The following GNAQ variants were observed in gnomAD, a reference collection of about 807,000 sequenced individuals.
GNAQ encodes G protein subunit alpha q.
GNAQ carries 8 observed loss-of-function variants against 43.9 expected under a neutral mutation model. The ratio of observed to expected loss-of-function variants is 0.18; its 90% CI spans 0.11 to 0.33. The LOEUF (loss-of-function observed/expected upper bound fraction) is 0.33. Ranked by LOEUF, GNAQ falls within the 10% of genes least tolerant of loss-of-function variation. The pLI is 1.00. For synonymous variants in GNAQ, 155 were observed against 170.7 expected, an observed-to-expected ratio of 0.91 and a Z score of 0.71; for missense variants, 158 against 450.8, an observed-to-expected ratio of 0.35 and a Z score of 5.88.
In GNAQ at chr9:77,798,265, CT is replaced by C. The variant is rs530551691; in HGVS notation, c.477-618del. ...AATGTTTGGAGTCACCACACCTTAA[CT>C]TTATATTTATCTAGTTATATGATAC... On this transcript the variant is annotated intron_variant, in intron 3 of 6. Transcript: ENST00000286548. 1.1e-3 allele frequency among the ~76,000 whole-genome samples: 172 copies of C among 152,222 alleles called. 1 individual carries two copies. The highest frequency in any genetic ancestry group is 1.4e-3 in the Non-Finnish European group (97 of 68,018).
intron 5 of GNAQ, among the ~76,000 whole-genome samples, chr9:77,749,328 C>T (rs1021579581): frequency 1.3e-5 from 2 of 152,138 alleles, no homozygotes; most frequent in East Asian, 1.9e-4. Flanking sequence ...GGGTCTTGGG[C>T]ATTTCACCCC....
At chr9:78,006,108 T>C (rs1208106516) in intron 1 of GNAQ, among the ~76,000 whole-genome samples, 1 of 152,178 alleles carries the variant, frequency 6.6e-6, no homozygotes, top group Non-Finnish European at 1.5e-5. Context: ...ATGCTATTGA[T>C]TTAAATGCCC....
At chr9:77,840,163 G>C (rs555392728) in intron 2 of GNAQ, among the ~76,000 whole-genome samples, 10 of 152,240 alleles carry the variant, frequency 6.6e-5, no homozygotes, top group Non-Finnish European at 1.5e-4. Flanking sequence ...TCAGTAAATG[G>C]TTGGTTGAAT....
chr9:77,727,568 A>G lies in GNAQ; in HGVS notation c.889+946T>C, dbSNP rs369932401. On this transcript the variant is annotated intron_variant, in intron 6 of 6. Coordinates refer to ENST00000286548, the MANE Select transcript of GNAQ (RefSeq NM_002072.5). ...TTCTAAGTGCTGCACAAAGAGCTTA[A>G]CACTGGGTTACTATTAGTAATGGTG... Among the ~76,000 whole-genome samples, 41 of 152,302 alleles carry G rather than the reference A, an allele frequency of 2.7e-4. 1 individual carries two copies. The South Asian group carries it at 7.7e-3, about 29-fold the overall frequency.
At chr9:77,823,402 G>C (rs1827145644) in intron 2 of GNAQ, among the ~76,000 whole-genome samples, 1 of 152,126 alleles carries the variant, frequency 6.6e-6, no homozygotes, top group Admixed American at 6.6e-5. Flanking sequence ...CTGAGAAACT[G>C]TTAACTTTCC....
chr9:77,733,477 C>G (rs971245252), intron 5 of GNAQ, among the ~76,000 whole-genome samples: 10 of 152,148 alleles, frequency 6.6e-5, no homozygotes, highest in Admixed American at 4.6e-4. Flanking sequence ...TCCATGTCAC[C>G]ACTGCCACAT....
Position 77,719,043 on chromosome 9 carries a change from G to T in GNAQ, c.*2280C>A. The T allele has an allele frequency of 4.3e-6, 1 of 230,840 alleles. No homozygotes were observed. The highest frequency in any genetic ancestry group is 6.1e-5 in the East Asian group (1 of 16,366). 14.3% of individuals were successfully genotyped at this position (230,840 alleles called of 1,614,324 possible). A position where few individuals can be genotyped will look rare whatever the true frequency, so the allele number is the denominator to read the frequency against. ...AAATTACCTTTGGGTCTTATAATCAGTATACCTCTACTCAGGAATGTGCAA... is the reference window on the plus strand; with the variant it reads ...AAATTACCTTTGGGTCTTATAATCATTATACCTCTACTCAGGAATGTGCAA... On this transcript the variant is annotated 3_prime_UTR_variant, in exon 7 of 7. Coordinates refer to ENST00000286548, the MANE Select transcript of GNAQ (RefSeq NM_002072.5).
intron 1 of GNAQ, among the ~76,000 whole-genome samples, chr9:78,016,947 TGTTAC>T (rs1587462918): frequency 6.6e-6 from 1 of 152,028 alleles, no homozygotes; most frequent in African/African-American, 2.4e-5. Flanking sequence ...TTATGTGTTG[TGTTAC>T]GTTACGTTAT....
chr9:77,750,155 A>G (rs1825791202), intron 5 of GNAQ, among the ~76,000 whole-genome samples: 2 of 144,384 alleles, frequency 1.4e-5, no homozygotes, highest in African/African-American at 2.9e-5. Context: ...AGCTATAAAC[A>G]TATTTTCTTT....
intron 2 of GNAQ, among the ~76,000 whole-genome samples, chr9:77,904,575 G>T (rs1486182677): frequency 6.6e-6 from 1 of 151,842 alleles, no homozygotes; most frequent in Non-Finnish European, 1.5e-5. Context: ...CTCATGATCT[G>T]CCCGCCTCGG....
intron 2 of GNAQ, among the ~76,000 whole-genome samples, chr9:77,907,493 G>A (rs888077516): frequency 2.6e-5 from 4 of 152,186 alleles, no homozygotes; most frequent in Non-Finnish European, 5.9e-5. Flanking sequence ...CCTCTCCAAT[G>A]AGACTGCAAG....
chr9:77,747,031 G>A (rs1825741276), intron 5 of GNAQ, among the ~76,000 whole-genome samples: 1 of 152,034 alleles, frequency 6.6e-6, no homozygotes, highest in South Asian at 2.1e-4. Flanking sequence ...TACTGGTTCA[G>A]GTGTAAAATA....
chr9:78,019,639 T>C (rs1823881065), intron 1 of GNAQ, among the ~76,000 whole-genome samples: 1 of 152,180 alleles, frequency 6.6e-6, no homozygotes, highest in African/African-American at 2.4e-5. Flanking sequence ...TAGGAACCTT[T>C]AGGCCAGGTG....
At chr9:77,725,862 C>T (rs1825389639) in intron 6 of GNAQ, among the ~76,000 whole-genome samples, 1 of 152,278 alleles carries the variant, frequency 6.6e-6, no homozygotes, top group East Asian at 1.9e-4. Context: ...GGTTCACCTC[C>T]GTGGGCACCA....
Position 77,883,410 on chromosome 9 carries a change from G to C in GNAQ, c.321+38751C>G, listed in dbSNP as rs150175984. Among the ~76,000 whole-genome samples the C allele has an allele frequency of 9.9e-5, 15 of 151,742 alleles. No individual in the cohort carries two copies. In the East Asian group the frequency reaches 2.9e-3, roughly 29 times the overall value. ...TGAATCAGAGTAGAGTGCTTTTCTA[G>C]GTAGGCTGAGGAACAGTGGTTACTT... On this transcript the variant is annotated intron_variant, in intron 2 of 6. Transcript: ENST00000286548.
At chr9:77,811,520 A>G (rs988856104) in intron 3 of GNAQ, among the ~76,000 whole-genome samples, 12 of 152,174 alleles carry the variant, frequency 7.9e-5, no homozygotes, top group African/African-American at 2.9e-4. Context: ...CTGGGAAATC[A>G]GCGATGTTTA....
intron 2 of GNAQ, among the ~76,000 whole-genome samples, chr9:77,911,099 C>T (rs572112491): frequency 2.0e-4 from 30 of 152,142 alleles, no homozygotes; most frequent in Non-Finnish European, 4.0e-4. Flanking sequence ...CAATTTTAAA[C>T]GATTTGGATT....
intron 1 of GNAQ, among the ~76,000 whole-genome samples, chr9:78,024,290 G>C (rs1823949233): frequency 6.6e-6 from 1 of 152,094 alleles, no homozygotes; most frequent in Non-Finnish European, 1.5e-5. Context: ...GCGCCCGGTG[G>C]CCCACAAAAC....
At chr9:77,886,776 T>A (rs1450017370) in intron 2 of GNAQ, among the ~76,000 whole-genome samples, 2 of 152,098 alleles carry the variant, frequency 1.3e-5, no homozygotes, top group Admixed American at 1.3e-4. Context: ...CTTTTATCTA[T>A]CTGGCTATGG....
Sources: gnomAD v4.1 joint callset for allele counts (sites outside exome capture counted in the v4.1 genomes callset) on GRCh38, gnomAD v4.1.1 for gene constraint, MANE v1.5 for transcripts, NCBI Gene and HGNC (gene_info 2026-07-23, HGNC 2026-07-21) for gene names.